KCNQ1: variants seen among roughly 807,000 people sequenced by gnomAD.
The protein encoded by KCNQ1 is potassium voltage-gated channel subfamily Q member 1.
KCNQ1 carries 49 observed loss-of-function variants against 72.4 expected under a neutral mutation model. That is an observed-to-expected ratio of 0.68 (90% CI 0.54 to 0.86). The LOEUF is 0.86. Ranked by LOEUF, KCNQ1 falls within the 40% of genes least tolerant of loss-of-function variation. KCNQ1 has a pLI of 0.00. For synonymous variants in KCNQ1, 450 were observed against 412.6 expected (o/e 1.09, Z -1.10); for missense variants, 790 against 945.1 (o/e 0.84, Z 2.15).
rs563755165 is a variant in KCNQ1, at chr11:2,642,072, T to C, written c.1394-19889T>C. ...GGCAGTGTGATGCATCCAACTTTGT[T>C]ATTTTTGCTCAGAATTGCTGTGGCT... is the stretch of plus-strand genomic sequence containing the variant. On this transcript the variant is annotated intron_variant, in intron 10 of 15. Transcript: ENST00000155840. The surrounding 1 kb of genome is among the most constrained non-coding windows in gnomAD (Gnocchi z 4.3). The C allele has an allele frequency of 5.0e-6, 2 of 398,496 alleles. No homozygotes were observed. Among genetic ancestry groups the C allele is most frequent in the East Asian group, 7.1e-5 (2 of 28,052 alleles). The allele number at this position is 398,496 out of a possible 1,614,324, so 24.7% of individuals were successfully genotyped here.
At chr11:2,777,187 CCCCA>C (rs1483017077) in intron 14 of KCNQ1, among the ~76,000 whole-genome samples, 155 bp downstream of exon 14, 2 of 152,174 alleles carry the variant, frequency 1.3e-5, no homozygotes, top group Admixed American at 1.3e-4. Context: ...GGGAGGTAGA[CCCCA>C]CCCTTAGCAA....
In KCNQ1 at chr11:2,782,855, T is replaced by G. The variant is rs1467431582; in HGVS notation, c.1794+4818T>G. Among the ~76,000 whole-genome samples, 1 of 152,176 alleles carries G rather than the reference T, an allele frequency of 6.6e-6. No individual in the cohort carries two copies. Among genetic ancestry groups the G allele is most frequent in the Non-Finnish European group, 1.5e-5 (1 of 68,006 alleles). Reference sequence around the variant, plus strand: ...ACTTGACACTATTCCCCTGTCTTATTAAATGTTTCGTGGACTTCTGGCTTT... The same window carrying G: ...ACTTGACACTATTCCCCTGTCTTATGAAATGTTTCGTGGACTTCTGGCTTT... On this transcript the variant is annotated intron_variant, in intron 15 of 15. Coordinates refer to ENST00000155840, the MANE Select transcript of KCNQ1 (RefSeq NM_000218.3). The surrounding 1 kb of genome is among the most constrained non-coding windows in gnomAD (Gnocchi z 6.1).
chr11:2,825,017 G>T (rs1047074042), intron 15 of KCNQ1, among the ~76,000 whole-genome samples: 3 of 152,246 alleles, frequency 2.0e-5, no homozygotes, highest in Admixed American at 2.0e-4. Context: ...GCCAGGGATT[G>T]TGGGCCAGCT....
intron 1 of KCNQ1, 55 bp from the exon 2 acceptor site, chr11:2,527,873 C>G: frequency 6.7e-7 from 1 of 1,502,356 alleles, no homozygotes; most frequent in African/African-American, 1.4e-5. Flanking sequence ...TCCCCAGGTG[C>G]ATCTGTGGGA....
chr11:2,717,845 A>G (rs376972673), intron 11 of KCNQ1, among the ~76,000 whole-genome samples: 4 of 151,680 alleles, frequency 2.6e-5, no homozygotes, highest in South Asian at 2.1e-4. Context: ...GGCCAGAGGA[A>G]CCCCCTCTCC....
rs534285789 is a variant in KCNQ1 at position 2,692,334 on chromosome 11, C to T, written c.1514+30253C>T. ...TATTGCCACTGTCCTGATAGGCCAC[C>T]ATTTCTCTGTACTGCAGGCATCTCC... is the stretch of plus-strand genomic sequence containing the variant. On this transcript the variant is annotated intron_variant, in intron 11 of 15. Coordinates refer to ENST00000155840, the MANE Select transcript of KCNQ1 (RefSeq NM_000218.3). The T allele has an allele frequency of 2.3e-4, 90 of 398,982 alleles. No homozygotes were observed. The Admixed American group carries it at 3.1e-3, about 14-fold the overall frequency. The allele number at this position is 398,982 out of a possible 1,614,324, so 24.7% of individuals were successfully genotyped here.
chr11:2,643,978 G>A, intron 10 of KCNQ1: 1 of 398,492 alleles, frequency 2.5e-6, no homozygotes, highest in Non-Finnish European at 4.4e-6. Flanking sequence ...TTAGTCTGCA[G>A]GTTGTTCCCT....
intron 15 of KCNQ1, among the ~76,000 whole-genome samples, chr11:2,835,572 A>G (rs531883276): frequency 6.6e-6 from 1 of 152,322 alleles, no homozygotes; most frequent in South Asian, 2.1e-4. Context: ...TGGTACAGCA[A>G]GGGCAGAAGC....
chr11:2,622,161 C>A, intron 10 of KCNQ1: 1 of 398,250 alleles, frequency 2.5e-6, no homozygotes, highest in East Asian at 3.6e-5. Context: ...ATTGAAGTCC[C>A]TAAGTATTAT....
At chr11:2,448,225 A>G (rs1846073083) in intron 1 of KCNQ1, among the ~76,000 whole-genome samples, 1 of 152,170 alleles carries the variant, frequency 6.6e-6, no homozygotes, top group African/African-American at 2.4e-5. Flanking sequence ...GGTTGTGGCC[A>G]AGGAGAGGGA....
At position 2,683,937 on chromosome 11, in the gene KCNQ1, A is replaced by G. The variant is rs1377675202; in HGVS notation, c.1514+21856A>G. 5.0e-6 allele frequency: 2 copies of G among 396,286 alleles called. No homozygotes were observed. The highest frequency in any genetic ancestry group is 8.9e-6 in the Non-Finnish European group (2 of 225,834). The allele number at this position is 396,286 out of a possible 1,614,324, so 24.5% of individuals were successfully genotyped here. ...GCTCTGTGACACGTTTCATAGTCAG[A>G]CAAAACCAGCTGACTGCTTTTACTT... On this transcript the variant is annotated intron_variant, in intron 11 of 15. Transcript: ENST00000155840. The surrounding 1 kb of genome is among the most constrained non-coding windows in gnomAD (Gnocchi z 4.7).
intron 11 of KCNQ1, among the ~76,000 whole-genome samples, chr11:2,717,488 C>G (rs1444396614): frequency 6.6e-6 from 1 of 152,188 alleles, no homozygotes; most frequent in Non-Finnish European, 1.5e-5. Context: ...GTTTTCCACC[C>G]TTTTCCCTGG....
chr11:2,692,632 G>C, intron 11 of KCNQ1: 1 of 398,676 alleles, frequency 2.5e-6, no homozygotes, highest in Non-Finnish European at 4.4e-6. Context: ...TGTGCTCCCA[G>C]GCCTCAGCAC....
chr11:2,770,821 G>A (rs566784233), intron 12 of KCNQ1, among the ~76,000 whole-genome samples: 5 of 152,222 alleles, frequency 3.3e-5, no homozygotes, highest in Non-Finnish European at 7.3e-5. Flanking sequence ...AGCTCACTCG[G>A]GGGCAATGGA....
chr11:2,545,528 GTTATATTCAGGTGATTGATAA>G (rs1384017843), intron 2 of KCNQ1, among the ~76,000 whole-genome samples: 3 of 152,072 alleles, frequency 2.0e-5, no homozygotes, highest in African/African-American at 4.8e-5. Flanking sequence ...ATTGATAATA[GTTATATTCAGGTGATTGATAA>G]TTATATTCAG....
Position 2,526,658 on chromosome 11 carries a change from G to A in KCNQ1, c.387-1270G>A, listed in dbSNP as rs1847513027. Among the ~76,000 whole-genome samples the A allele has an allele frequency of 2.0e-5, 3 of 151,846 alleles. No individual in the cohort carries two copies. Among genetic ancestry groups the A allele is most frequent in the African/African-American group, 2.4e-5 (1 of 41,404 alleles). On this transcript the variant is annotated intron_variant, in intron 1 of 15. Transcript: ENST00000155840. The surrounding 1 kb of genome is among the most constrained non-coding windows in gnomAD (Gnocchi z 6.1). ...GCTGGGAGGTAGCCTGTTTGTTGTG[G>A]GCTCTGGGGGCCTGGGGAGGGTGGG...
Position 2,720,002 on chromosome 11 carries a change from C to T in KCNQ1, c.1515-48842C>T, listed in dbSNP as rs944976371. Among the ~76,000 whole-genome samples, 3 of 152,264 alleles carry T rather than the reference C, an allele frequency of 2.0e-5. No individual in the cohort carries two copies. The highest frequency in any genetic ancestry group is 4.4e-5 in the Non-Finnish European group (3 of 68,050). ...GCACGCCTGGGCGGAGGTGGAGCCG[C>T]TTCACCATACATGCAAATGTAGCAA... On this transcript the variant is annotated intron_variant, in intron 11 of 15. Coordinates refer to ENST00000155840, the MANE Select transcript of KCNQ1 (RefSeq NM_000218.3). The surrounding 1 kb of genome is among the most constrained non-coding windows in gnomAD (Gnocchi z 5.1).
Position 2,688,220 on chromosome 11 carries a change from G to A in KCNQ1, c.1514+26139G>A, listed in dbSNP as rs1259196302. 6 of 398,646 alleles carry A rather than the reference G, an allele frequency of 1.5e-5. No individual in the cohort carries two copies. In the East Asian group the frequency reaches 1.8e-4, roughly 12 times the overall value. 24.7% of individuals were successfully genotyped at this position (398,646 alleles called of 1,614,324 possible). On this transcript the variant is annotated intron_variant, in intron 11 of 15. Coordinates refer to ENST00000155840, the MANE Select transcript of KCNQ1 (RefSeq NM_000218.3). Reference sequence around the variant, plus strand: ...AGGGGCTGCACTGAGCCCACCAAAGGTTGTAGCCACTCATACAGGGCTGTT... The same window carrying A: ...AGGGGCTGCACTGAGCCCACCAAAGATTGTAGCCACTCATACAGGGCTGTT...
rs564596244 is a variant in KCNQ1, at chr11:2,658,589, C to T, written c.1394-3372C>T. ...CATTCATCCAGAGAGCCCTGGCTCC[C>T]TGGAGAATGAATAGAAAACCTGGAT... On this transcript the variant is annotated intron_variant, in intron 10 of 15. Transcript: ENST00000155840. The surrounding 1 kb of genome is among the most constrained non-coding windows in gnomAD (Gnocchi z 4.9). The T allele has an allele frequency of 1.0e-5, 4 of 398,370 alleles. No individual in the cohort carries two copies. Among genetic ancestry groups the T allele is most frequent in the Non-Finnish European group, 1.8e-5 (4 of 226,028 alleles). The allele number at this position is 398,370 out of a possible 1,614,324, so 24.7% of individuals were successfully genotyped here.
Sources: gnomAD v4.1 joint callset for allele counts (sites outside exome capture counted in the v4.1 genomes callset) on GRCh38, gnomAD v4.1.1 for gene constraint, Gnocchi (gnomAD v3.1) non-coding constraint, MANE v1.5 for transcripts, NCBI Gene and HGNC (gene_info 2026-07-23, HGNC 2026-07-21) for gene names.